ANKRD36C: variants seen among roughly 807,000 people sequenced by gnomAD.
ANKRD36C encodes ankyrin repeat domain-containing protein 36C.
A neutral mutation model predicts 276.4 loss-of-function variants in ANKRD36C; 61 were observed. That is an observed-to-expected ratio of 0.22 (90% CI 0.18 to 0.27). The LOEUF (loss-of-function observed/expected upper bound fraction) is 0.27, where lower values mean the gene tolerates loss of function less well. ANKRD36C is among the 10% of genes least tolerant of loss of function. ANKRD36C has a pLI of 1.00. For missense variants in ANKRD36C, 1,447 were observed against 2,032.3 expected, an observed-to-expected ratio of 0.71 and a Z score of 5.54; for synonymous variants, 483 against 680.1, an observed-to-expected ratio of 0.71 and a Z score of 4.51.
At chr2:95,903,133 A>G in intron 42 of ANKRD36C, 52 bp from the exon 53 acceptor site, 1 of 1,540,570 alleles carries the variant, frequency 6.5e-7, no homozygotes, top group Non-Finnish European at 8.8e-7. Context: ...TGACAAAATT[A>G]TCCACATATT....
intron 36 of ANKRD36C, 22 bp downstream of exon 38, chr2:95,917,833 T>C: frequency 1.3e-6 from 2 of 1,584,042 alleles, no homozygotes; most frequent in Non-Finnish European, 1.7e-6. Context: ...AACGTGACAT[T>C]AAATGTCTTT....
rs1198142815 is a variant in ANKRD36C, at chr2:95,855,257, G to T, written c.4995+9C>A. On this transcript the variant is annotated intron_variant, in intron 63 of 66. Coordinates refer to ENST00000456556, the Ensembl canonical transcript of ANKRD36C. Reference sequence around the variant, plus strand: ...AGTTTGAAAAATACTTATTTTTCTTGATACTTACTTCTCTTTCTGCTTTCT... The same window carrying T: ...AGTTTGAAAAATACTTATTTTTCTTTATACTTACTTCTCTTTCTGCTTTCT... 2 of 1,546,378 alleles carry T rather than the reference G, an allele frequency of 1.3e-6. No homozygotes were observed. Among genetic ancestry groups the T allele is most frequent in the Non-Finnish European group, 1.7e-6 (2 of 1,150,750 alleles).
exon 26 of ANKRD36C, chr2:95,929,104 G>C (rs751490213): frequency 5.0e-6 from 8 of 1,603,770 alleles, no homozygotes; most frequent in Non-Finnish European, 6.8e-6. Flanking sequence ...CTTTATTTCT[G>C]TGGCTATATT....
intron 17 of ANKRD36C, among the ~76,000 whole-genome samples, chr2:95,947,844 G>A (rs974925748): frequency 6.6e-6 from 1 of 152,034 alleles, no homozygotes; most frequent in African/African-American, 2.4e-5. Context: ...TTAGAGATAA[G>A]CTCTTGCTGT....
At chr2:95,976,219 G>A in intron 6 of ANKRD36C, among the ~76,000 whole-genome samples, 1 of 152,208 alleles carries the variant, frequency 6.6e-6, no homozygotes, top group Non-Finnish European at 1.5e-5. Context: ...AAGTCAGTGT[G>A]GCGATTCCTC....
intron 36 of ANKRD36C, 46 bp downstream of exon 38, chr2:95,917,809 T>C (rs769240940): frequency 6.4e-7 from 1 of 1,558,274 alleles, no homozygotes; most frequent in South Asian, 1.2e-5. Context: ...AGAAGTTCTT[T>C]TCTATCTGGA....
At position 95,851,803 on chromosome 2, in the gene ANKRD36C, T is replaced by G. The variant is rs1167285063; in HGVS notation, c.5220-16A>C. ...TACTTCAAGCCTAAAATGTGCATTT[T>G]AAAATAATTACTCTCACACATAATT... On this transcript the variant is annotated splice_polypyrimidine_tract_variant and intron_variant, in intron 65 of 66. Coordinates refer to ENST00000456556, the Ensembl canonical transcript of ANKRD36C. 2 of 1,522,248 alleles carry G rather than the reference T, an allele frequency of 1.3e-6. No homozygotes were observed. The highest frequency in any genetic ancestry group is 1.8e-6 in the Non-Finnish European group (2 of 1,127,686). The allele number at this position is 1,522,248 out of a possible 1,614,324, so 94.3% of individuals were successfully genotyped here. A position where few individuals can be genotyped will look rare whatever the true frequency, so the allele number is the denominator to read the frequency against.
At chr2:95,914,285 G>A in exon 39 of ANKRD36C, 1 of 1,550,222 alleles carries the variant, frequency 6.5e-7, no homozygotes, top group Non-Finnish European at 8.7e-7. Context: ...CTTCAAGCCT[G>A]CTGGTTTCTC....
At chr2:95,942,061 A>C (rs533781425) in intron 19 of ANKRD36C, among the ~76,000 whole-genome samples, 1 of 152,422 alleles carries the variant, frequency 6.6e-6, no homozygotes, top group Non-Finnish European at 1.5e-5. Flanking sequence ...TCAGGAAAGA[A>C]TCTGGAAGGC....
chr2:95,866,372 T>C (rs918245229), intron 60 of ANKRD36C, among the ~76,000 whole-genome samples: 5 of 152,138 alleles, frequency 3.3e-5, no homozygotes, highest in African/African-American at 9.7e-5. Flanking sequence ...AAAAATACCC[T>C]TGTAAAAAAG....
At chr2:95,869,629 T>A (rs1318919339) in intron 59 of ANKRD36C, among the ~76,000 whole-genome samples, 3 of 152,190 alleles carry the variant, frequency 2.0e-5, no homozygotes, top group Non-Finnish European at 2.9e-5. Flanking sequence ...GGTACCAGGT[T>A]CATCTCACTA....
intron 61 of ANKRD36C, among the ~76,000 whole-genome samples, chr2:95,858,954 A>T (rs2104261334): frequency 6.8e-6 from 1 of 147,040 alleles, no homozygotes; most frequent in Non-Finnish European, 1.5e-5. Context: ...TACATAACAG[A>T]GAGAGAGAGA....
At chr2:95,880,855 A>T (rs1446480406) in intron 56 of ANKRD36C, among the ~76,000 whole-genome samples, 1 of 152,226 alleles carries the variant, frequency 6.6e-6, no homozygotes, top group Non-Finnish European at 1.5e-5. Context: ...ATTATGCACC[A>T]CATCTATTGC....
rs180810802 is a variant in ANKRD36C, at chr2:95,919,599, A to G, written c.2246-1557T>C. On this transcript the variant is annotated intron_variant, in intron 34 of 66. Coordinates refer to ENST00000456556, the Ensembl canonical transcript of ANKRD36C. ...TCCCAAGAAATTTATTACAAATGAA[A>G]AATCTCAGGCCTGCTGAATCAGAAT... 6.4e-3 allele frequency: 2,932 copies of G among 459,054 alleles called. 373 individuals are homozygous for G. Among genetic ancestry groups the G allele is most frequent in the Admixed American group, 0.019 (239 of 12,762 alleles). The allele number at this position is 459,054 out of a possible 1,614,324, so 28.4% of individuals were successfully genotyped here.
At position 95,923,553 on chromosome 2, in the gene ANKRD36C, CTT is replaced by C. The variant is rs1677330732; in HGVS notation, c.2083_2084del (p.Lys695AspfsTer33). The C allele has an allele frequency of 1.9e-6, 3 of 1,610,518 alleles. No individual in the cohort carries two copies. In the African/African-American group the frequency reaches 4.0e-5, roughly 22 times the overall value. On this transcript the variant is annotated frameshift_variant, in exon 32 of 67. Transcript: ENST00000456556. LOFTEE classifies it high-confidence loss of function. ...TAGCTATATTCAAAGCAGAATCTGTCTTGTCACTTGTAGCCTGAAAGTAATTT... is the reference window on the plus strand; with the variant it reads ...TAGCTATATTCAAAGCAGAATCTGTCGTCACTTGTAGCCTGAAAGTAATTT...
chr2:95,946,926 G>T (rs1213710051), intron 17 of ANKRD36C, among the ~76,000 whole-genome samples: 1 of 150,914 alleles, frequency 6.6e-6, no homozygotes, highest in Non-Finnish European at 1.5e-5. Context: ...GGGTAGGGGG[G>T]AGGGATAGCA....
intron 14 of ANKRD36C, among the ~76,000 whole-genome samples, chr2:95,952,945 A>AT (rs1678234943): frequency 6.6e-6 from 1 of 152,260 alleles, no homozygotes; most frequent in African/African-American, 2.4e-5. Context: ...CTTTACAATT[A>AT]TTTTTTCAAT....
At chr2:95,930,923 T>A (rs1405093154) in intron 24 of ANKRD36C, among the ~76,000 whole-genome samples, 1 of 151,560 alleles carries the variant, frequency 6.6e-6, no homozygotes, top group Admixed American at 6.6e-5. Flanking sequence ...GTTACCCTCA[T>A]CCTTCTAACT....
At chr2:95,882,941 G>A (rs1280365398) in intron 54 of ANKRD36C, among the ~76,000 whole-genome samples, 3 of 152,098 alleles carry the variant, frequency 2.0e-5, no homozygotes, top group African/African-American at 7.2e-5. Context: ...TAACTTGCCT[G>A]GTAATTGAGG....
Sources: gnomAD v4.1 joint callset for allele counts (sites outside exome capture counted in the v4.1 genomes callset) on GRCh38, gnomAD v4.1.1 for gene constraint, MANE v1.5 for transcripts, NCBI Gene and HGNC (gene_info 2026-07-23, HGNC 2026-07-21) for gene names.